The following PIK3C2B variants were observed in gnomAD, a reference collection of about 807,000 sequenced individuals.
PIK3C2B encodes phosphatidylinositol-4-phosphate 3-kinase catalytic subunit type 2 beta, also known as phosphatidylinositol 4-phosphate 3-kinase C2 domain-containing subunit beta.
A neutral mutation model predicts 184.3 loss-of-function variants in PIK3C2B; 83 were observed. That is an observed-to-expected ratio of 0.45 (90% CI 0.38 to 0.54). PIK3C2B has a LOEUF of 0.54. PIK3C2B is among the 20% of genes least tolerant of loss of function. The probability of loss-of-function intolerance (pLI) is 0.00; values close to 1 mark genes in which losing one functional copy is unlikely to be tolerated. For missense variants in PIK3C2B, 1,736 were observed against 2,113.5 expected (o/e 0.82, Z 3.50); for synonymous variants, 779 against 837.6 (o/e 0.93, Z 1.21).
intron 1 of PIK3C2B, among the ~76,000 whole-genome samples, chr1:204,482,999 C>T (rs1457209621): frequency 2.6e-5 from 4 of 152,082 alleles, no homozygotes; most frequent in Admixed American, 2.6e-4. Flanking sequence ...GCACGTACAG[C>T]GTGGTATGGA....
chr1:204,432,139 TC>T, intron 27 of PIK3C2B, 60 bp downstream of exon 27: 1 of 1,490,144 alleles, frequency 6.7e-7, no homozygotes, highest in Non-Finnish European at 9.3e-7. Context: ...AAAGTCAGGA[TC>T]CCAGCAAGCC....
intron 1 of PIK3C2B, among the ~76,000 whole-genome samples, chr1:204,482,365 CTT>C (rs1219972080): frequency 1.5e-4 from 23 of 152,240 alleles, no homozygotes; most frequent in Admixed American, 8.5e-4. Flanking sequence ...AGCCTCCATT[CTT>C]CCTGGTAGCA....
intron 1 of PIK3C2B, chr1:204,490,168 C>G (rs1657914874): frequency 5.3e-6 from 2 of 380,170 alleles, no homozygotes; most frequent in South Asian, 2.9e-4. Flanking sequence ...TACTGTGAAG[C>G]CTCTGCTAGG....
At chr1:204,487,225 C>G (rs1572407838) in intron 1 of PIK3C2B, among the ~76,000 whole-genome samples, 1 of 152,198 alleles carries the variant, frequency 6.6e-6, no homozygotes, top group East Asian at 1.9e-4. Flanking sequence ...CCCACCTCAG[C>G]CTCTCAAGTA....
chr1:204,432,917 A>G (rs1030526800), intron 26 of PIK3C2B, among the ~76,000 whole-genome samples: 4 of 152,230 alleles, frequency 2.6e-5, no homozygotes, highest in African/African-American at 9.6e-5. Context: ...ACCTAAAAAC[A>G]TTGTCAAATA....
Position 204,423,392 on chromosome 1 carries a change from G to A in PIK3C2B, c.*1460C>T, listed in dbSNP as rs936056035. On this transcript the variant is annotated 3_prime_UTR_variant, in exon 33 of 33. Transcript: ENST00000684373. ...GAACCCGGGAGGCAGATTTTGCAGT[G>A]AGTCGAGATCATGCCACTACACTCC... 3 of 150,234 alleles carry A rather than the reference G, an allele frequency of 2.0e-5. No homozygotes were observed. The highest frequency in any genetic ancestry group is 6.7e-5 in the Admixed American group (1 of 15,018). The allele number at this position is 150,234 out of a possible 1,614,324, so 9.3% of individuals were successfully genotyped here.
rs773073913 is a variant in PIK3C2B at position 204,468,968 on chromosome 1, T to A, written c.835A>T (p.Thr279Ser). ...CGGGGGGGCACCTGAGGGGGCATAG[T>A]CTTGCTCCTGGCCACGGGTTTTCCA... ...TSGKPVARSK[T>S]MPPQVPPRTY... The change falls in exon 2 of 33, where the codon ACT (threonine) becomes TCT (serine). Residue 279 changes from threonine (T) to serine (S), a missense_variant. By Grantham distance (58) the Thr-to-Ser change is moderately conservative (BLOSUM62 1). Transcript: ENST00000684373. 7 of 1,614,068 alleles carry A rather than the reference T, an allele frequency of 4.3e-6. No individual in the cohort carries two copies. Among genetic ancestry groups the A allele is most frequent in the Non-Finnish European group, 4.2e-6 (5 of 1,180,028 alleles).
intron 1 of PIK3C2B, among the ~76,000 whole-genome samples, chr1:204,493,734 G>C (rs1447885114): frequency 6.6e-6 from 1 of 152,136 alleles, no homozygotes; most frequent in African/African-American, 2.4e-5. Context: ...CACCGCTGTC[G>C]GGAGCTGAAA....
intron 29 of PIK3C2B, among the ~76,000 whole-genome samples, chr1:204,429,444 T>A (rs1558229513): frequency 1.3e-5 from 2 of 152,138 alleles, no homozygotes; most frequent in Non-Finnish European, 2.9e-5. Flanking sequence ...ATAACCACTA[T>A]AAAACTGTAA....
At chr1:204,428,849 A>C (rs1674885411) in intron 29 of PIK3C2B, 2 of 440,248 alleles carry the variant, frequency 4.5e-6, no homozygotes, top group Non-Finnish European at 9.0e-6. Flanking sequence ...TTAAGTGTTT[A>C]GGTGATGGAT....
At position 204,454,892 on chromosome 1, in the gene PIK3C2B, C is replaced by G. The variant is rs1223078819; in HGVS notation, c.1944-101G>C. On this transcript the variant is annotated intron_variant, in intron 11 of 32. Coordinates refer to ENST00000684373, the MANE Select transcript of PIK3C2B (RefSeq NM_001377334.1). ...CCAAAATCCATTTCCCCTGGTAAAA[C>G]TCTCAGTCTCTGAGGGCTGTAACAC... 4 of 1,333,402 alleles carry G rather than the reference C, an allele frequency of 3.0e-6. No homozygotes were observed. The African/African-American group carries it at 5.8e-5, about 19-fold the overall frequency. The allele number at this position is 1,333,402 out of a possible 1,614,324, so 82.6% of individuals were successfully genotyped here.
intron 27 of PIK3C2B, 128 bp from the exon 28 acceptor site, chr1:204,431,921 G>A: frequency 1.9e-6 from 2 of 1,045,338 alleles, no homozygotes; most frequent in Non-Finnish European, 2.9e-6. Flanking sequence ...GAGAGCAAGA[G>A]TGGAGACAGA....
intron 12 of PIK3C2B, chr1:204,450,231 G>A (rs1654235113): frequency 3.8e-6 from 2 of 528,480 alleles, no homozygotes; most frequent in Admixed American, 3.5e-5. Context: ...ACAATGTGGT[G>A]TCCTTGGAGC....
chr1:204,487,286 G>A (rs1406058187), intron 1 of PIK3C2B, among the ~76,000 whole-genome samples: 8 of 152,106 alleles, frequency 5.3e-5, no homozygotes, highest in Non-Finnish European at 8.8e-5. Context: ...TTAAATTTTT[G>A]TATAGATAAA....
Position 204,447,589 on chromosome 1 carries a change from A to G in PIK3C2B, c.2347-11T>C. The stretch of plus-strand genomic sequence containing the variant: ...GGTGGGGAAGTCAATCTGGGGGATG[A>G]GATCAGGGATGTGAGGAGAGAAAAC... On this transcript the variant is annotated splice_polypyrimidine_tract_variant and intron_variant, in intron 14 of 32. Coordinates refer to ENST00000684373, the MANE Select transcript of PIK3C2B (RefSeq NM_001377334.1). This position sits in a 1 kb window ranked among gnomAD's most constrained non-coding sequence, Gnocchi z 4.1. 2 of 1,600,060 alleles carry G rather than the reference A, an allele frequency of 1.2e-6. No individual in the cohort carries two copies. Among genetic ancestry groups the G allele is most frequent in the Non-Finnish European group, 8.5e-7 (1 of 1,175,008 alleles).
intron 1 of PIK3C2B, among the ~76,000 whole-genome samples, chr1:204,479,944 T>A (rs918283698): frequency 1.3e-5 from 2 of 152,226 alleles, no homozygotes; most frequent in Non-Finnish European, 2.9e-5. Context: ...CTGCTCTGCC[T>A]GGAGGGCTCA....
At chr1:204,434,023 T>A in intron 24 of PIK3C2B, 74 bp from the exon 25 acceptor site, 1 of 1,192,334 alleles carries the variant, frequency 8.4e-7, no homozygotes, top group Middle Eastern at 2.7e-4. Flanking sequence ...GCATCAGGGG[T>A]CAGTTTCCCT....
intron 12 of PIK3C2B, among the ~76,000 whole-genome samples, chr1:204,453,654 C>G (rs536311446): frequency 1.9e-4 from 29 of 152,326 alleles, no homozygotes; most frequent in Non-Finnish European, 3.2e-4. Flanking sequence ...ACAGTCTCCT[C>G]TCCATAGTCT....
At position 204,443,960 on chromosome 1, in the gene PIK3C2B, A is replaced by G. The variant is rs952371674; in HGVS notation, c.2867+108T>C. Reference sequence around the variant, plus strand: ...CCAAGGCCACAGGGTAAGTCAGCACATACTGAAGCCCGGACAACTCAGTTC... The same window carrying G: ...CCAAGGCCACAGGGTAAGTCAGCACGTACTGAAGCCCGGACAACTCAGTTC... On this transcript the variant is annotated intron_variant, in intron 18 of 32. Transcript: ENST00000684373. 186 of 795,768 alleles carry G rather than the reference A, an allele frequency of 2.3e-4. 3 individuals are homozygous for G. The Admixed American group carries it at 2.8e-3, about 12-fold the overall frequency. 49.3% of individuals were successfully genotyped at this position (795,768 alleles called of 1,614,324 possible). A position where few individuals can be genotyped will look rare whatever the true frequency, so the allele number is the denominator to read the frequency against.
Sources: gnomAD v4.1 joint callset for allele counts (sites outside exome capture counted in the v4.1 genomes callset) on GRCh38, gnomAD v4.1.1 for gene constraint, Gnocchi (gnomAD v3.1) non-coding constraint, MANE v1.5 for transcripts, NCBI Gene and HGNC (gene_info 2026-07-23, HGNC 2026-07-21) for gene names.